BIRC6: variants seen among roughly 807,000 people sequenced by gnomAD.
BIRC6 encodes baculoviral IAP repeat containing 6, also known as dual E2 ubiquitin-conjugating enzyme/E3 ubiquitin-protein ligase BIRC6.
A neutral mutation model predicts 503.3 loss-of-function variants in BIRC6; 98 were observed. That is an observed-to-expected ratio of 0.19 (90% CI 0.17 to 0.23). The LOEUF (loss-of-function observed/expected upper bound fraction) is 0.23, where lower values mean the gene tolerates loss of function less well. Among genes scored for constraint, BIRC6 ranks in the 10% least tolerant of loss-of-function variants. The pLI is 1.00. For synonymous variants in BIRC6, 2,240 were observed against 2,078.7 expected (o/e 1.08, Z -2.11); for missense variants, 5,360 against 5,806.0 (o/e 0.92, Z 2.50).
At position 32,589,708 on chromosome 2, in the gene BIRC6, CTCT is replaced by C. The variant is rs912031916; in HGVS notation, c.13356-4202_13356-4200del. On this transcript the variant is annotated intron_variant, in intron 66 of 73. Transcript: ENST00000421745. Reference sequence around the variant, plus strand: ...GATAGGCAAATATTTATTTTAACATCTCTTCTTTGACTGGCTCAGTTGGGTTGT... The same window carrying C: ...GATAGGCAAATATTTATTTTAACATCTCTTTGACTGGCTCAGTTGGGTTGT... 5.9e-5 allele frequency among the ~76,000 whole-genome samples: 9 copies of C among 152,122 alleles called. No individual in the cohort carries two copies. The South Asian group carries it at 1.2e-3, about 21-fold the overall frequency.
chr2:32,568,116 A>G (rs1311525411), intron 65 of BIRC6, among the ~76,000 whole-genome samples: 2 of 152,050 alleles, frequency 1.3e-5, no homozygotes, highest in Admixed American at 6.5e-5. Flanking sequence ...CGTCTCAAAA[A>G]ACAAACAAAC....
chr2:32,479,608 G>T lies in BIRC6; in HGVS notation c.7399G>T (p.Asp2467Tyr). ...AACTATAGATGAACCTTTGACACAT[G>T]ACATAACAGGTAAAGTTTTACATTA... ...LETIDEPLTHDITGAPPLSSL... is the reference protein window; with the variant it reads ...LETIDEPLTHYITGAPPLSSL... Residue 2467 changes from aspartate (D) to tyrosine (Y), a missense_variant, in exon 37 of 74, where the codon GAC becomes TAC. Physicochemically the swap from Asp to Tyr is radical, Grantham distance 160. Coordinates refer to ENST00000421745, the MANE Select transcript of BIRC6 (RefSeq NM_016252.4). 6.2e-7 allele frequency: 1 copy of T among 1,602,524 alleles called. No homozygotes were observed. Among genetic ancestry groups the T allele is most frequent in the Non-Finnish European group, 8.5e-7 (1 of 1,172,662 alleles).
chr2:32,575,398 T>G (rs1401757396), intron 66 of BIRC6, 32 bp downstream of exon 66: 1 of 1,594,432 alleles, frequency 6.3e-7, no homozygotes, highest in Non-Finnish European at 8.6e-7. Flanking sequence ...TCTCTTGAGT[T>G]TGCCTCTAAC....
intron 65 of BIRC6, 113 bp downstream of exon 65, chr2:32,549,594 T>G: frequency 9.9e-7 from 1 of 1,010,788 alleles, no homozygotes; most frequent in Non-Finnish European, 1.3e-6. Flanking sequence ...TCCTAAAAAG[T>G]ATTCTGGAAA....
chr2:32,388,909 G>A lies in BIRC6; in HGVS notation c.805G>A (p.Glu269Lys). The A allele has an allele frequency of 6.2e-7, 1 of 1,606,156 alleles. No homozygotes were observed. Among genetic ancestry groups the A allele is most frequent in the Non-Finnish European group, 8.5e-7 (1 of 1,177,036 alleles). ...TTACCTCTTACCTAGTGCACGTCCA[G>A]AACTCGGAGTGGGGCCAGGCCGTTC... ...LSYLLPSARP[E>K]LGVGPGRSVD... The change falls in exon 4 of 74, where the codon GAA becomes AAA. Residue 269 changes from glutamate (E) to lysine (K), a missense_variant. By Grantham distance (56) the Glu-to-Lys change is moderately conservative. Transcript: ENST00000421745.
rs190323553 is a variant in BIRC6 at position 32,435,042 on chromosome 2, C to G, written c.3410-454C>G. Among the ~76,000 whole-genome samples, 8 of 152,190 alleles carry G rather than the reference C, an allele frequency of 5.3e-5. No individual in the cohort carries two copies. The South Asian group carries it at 1.0e-3, about 20-fold the overall frequency. On this transcript the variant is annotated intron_variant, in intron 13 of 73. Coordinates refer to ENST00000421745, the MANE Select transcript of BIRC6 (RefSeq NM_016252.4). ...TGTGGGGGTCCTGGAACTAATCCCC[C>G]ACAGATACTGAGGGATGGATGACTA...
chr2:32,602,475 A>G (rs966331190), intron 70 of BIRC6: 2 of 152,290 alleles, frequency 1.3e-5, no homozygotes, highest in Non-Finnish European at 2.9e-5. Flanking sequence ...GTTAATGGAT[A>G]CACAATTACA....
rs112502755 is a variant in BIRC6, at chr2:32,570,796, G to T, written c.13145-4360G>T. On this transcript the variant is annotated intron_variant, in intron 65 of 73. Transcript: ENST00000421745. ...TTACAGGTGTGAGCCATCACGCTCG[G>T]CCTATTTGTTTATTTTTAAGGGTTG... Among the ~76,000 whole-genome samples, 764 of 152,000 alleles carry T rather than the reference G, an allele frequency of 5.0e-3. 5 individuals are homozygous for T. The highest frequency in any genetic ancestry group is 0.017 in the African/African-American group (724 of 41,472).
chr2:32,552,872 A>T (rs2058517878), intron 65 of BIRC6, among the ~76,000 whole-genome samples: 1 of 149,950 alleles, frequency 6.7e-6, no homozygotes, highest in Non-Finnish European at 1.5e-5. Context: ...ATATTTATAT[A>T]TTTATATTTA....
At position 32,415,038 on chromosome 2, in the gene BIRC6, A is replaced by G. The variant is rs1269174368; in HGVS notation, c.1747A>G (p.Ile583Val). The G allele has an allele frequency of 1.9e-6, 3 of 1,613,786 alleles. No homozygotes were observed. The highest frequency in any genetic ancestry group is 1.7e-5 in the Admixed American group (1 of 59,988). The change falls in exon 10 of 74, where the codon ATT becomes GTT. Residue 583 changes from isoleucine to valine, a missense_variant. Transcript: ENST00000421745. ...ATATAAATCTCCTGCTACCTCACCC[A>G]TTAGTAGTAATTCTCACAGGTCACT... ...LTYKSPATSPISSNSHRSLDG... is the reference protein window; with the variant it reads ...LTYKSPATSPVSSNSHRSLDG...
chr2:32,600,706 G>A (rs1362710367), intron 70 of BIRC6, among the ~76,000 whole-genome samples: 1 of 152,200 alleles, frequency 6.6e-6, no homozygotes, highest in Non-Finnish European at 1.5e-5. Context: ...AGAGAAGAGG[G>A]TAAGGGCTTG....
chr2:32,530,853 T>C (rs549346864), intron 60 of BIRC6, among the ~76,000 whole-genome samples: 1 of 152,348 alleles, frequency 6.6e-6, no homozygotes, highest in African/African-American at 2.4e-5. Context: ...TGGTTTTCTT[T>C]GGTGAGTAAT....
chr2:32,509,001 G>A (rs1558926732), intron 51 of BIRC6, among the ~76,000 whole-genome samples: 1 of 151,904 alleles, frequency 6.6e-6, no homozygotes, highest in Non-Finnish European at 1.5e-5. Flanking sequence ...CCCAGGAGGT[G>A]GAGGTTGCAG....
chr2:32,504,629 T>C (rs1210566015), intron 49 of BIRC6, among the ~76,000 whole-genome samples: 1 of 151,898 alleles, frequency 6.6e-6, no homozygotes, highest in Non-Finnish European at 1.5e-5. Flanking sequence ...ATCTCACCAC[T>C]GCACTCCAGC....
chr2:32,505,884 C>T lies in BIRC6; in HGVS notation c.9700+679C>T, dbSNP rs577023341. ...CTTTTTTTTTTGAGGCAGGGTCTCACTCTGTTGCCCAGGCTGGAGTGCAGT... is the reference window on the plus strand; with the variant it reads ...CTTTTTTTTTTGAGGCAGGGTCTCATTCTGTTGCCCAGGCTGGAGTGCAGT... On this transcript the variant is annotated intron_variant, in intron 50 of 73. Coordinates refer to ENST00000421745, the MANE Select transcript of BIRC6 (RefSeq NM_016252.4). Among the ~76,000 whole-genome samples, 7 of 151,942 alleles carry T rather than the reference C, an allele frequency of 4.6e-5. No homozygotes were observed. The South Asian group carries it at 1.5e-3, about 32-fold the overall frequency.
intron 10 of BIRC6, among the ~76,000 whole-genome samples, chr2:32,416,982 C>T (rs915842283): frequency 9.9e-5 from 15 of 151,708 alleles, no homozygotes; most frequent in East Asian, 5.9e-4. Context: ...ATTACAGGCA[C>T]GTGGCACCAT....
chr2:32,587,585 G>A (rs113192190), intron 66 of BIRC6, among the ~76,000 whole-genome samples: 3,975 of 151,422 alleles, frequency 0.026, 109 homozygotes, highest in African/African-American at 0.072. Flanking sequence ...TTAGCCAGGC[G>A]TGGTGGTGTG....
chr2:32,589,131 C>T (rs924376665), intron 66 of BIRC6, among the ~76,000 whole-genome samples: 2 of 151,948 alleles, frequency 1.3e-5, no homozygotes, highest in Admixed American at 1.3e-4. Context: ...ATGGTTTCAC[C>T]AAAAATTTGA....
At chr2:32,609,952 T>G (rs1389132801) in intron 72 of BIRC6, among the ~76,000 whole-genome samples, 1 of 152,178 alleles carries the variant, frequency 6.6e-6, no homozygotes, top group Non-Finnish European at 1.5e-5. Flanking sequence ...GTTTTCCTAA[T>G]CAAATGCCAC....
Sources: allele counts gnomAD v4.1 joint callset (sites outside exome capture counted in the v4.1 genomes callset), GRCh38; gene constraint gnomAD v4.1.1; transcripts MANE v1.5; gene names NCBI Gene and HGNC (gene_info 2026-07-23, HGNC 2026-07-21).